FUT9: variants seen among roughly 807,000 people sequenced by gnomAD.
The protein encoded by FUT9 is 4-galactosyl-N-acetylglucosaminide 3-alpha-L-fucosyltransferase 9.
In FUT9, 15 loss-of-function variants were observed where a neutral mutation model predicts 29.7. The ratio of observed to expected loss-of-function variants is 0.51; its 90% CI spans 0.34 to 0.78. FUT9 has a LOEUF of 0.78. Ranked by LOEUF, FUT9 falls within the 30% of genes least tolerant of loss-of-function variation. The pLI, the probability that FUT9 is intolerant of heterozygous loss-of-function variation, is 0.01. For synonymous variants in FUT9, 169 were observed against 153.7 expected (o/e 1.10, Z -0.74); for missense variants, 319 against 425.4 (o/e 0.75, Z 2.20).
At position 96,138,129 on chromosome 6, in the gene FUT9, C is replaced by A. The variant is rs1034933496; in HGVS notation, c.-9+24002C>A. Among the ~76,000 whole-genome samples, 3 of 152,282 alleles carry A rather than the reference C, an allele frequency of 2.0e-5. No individual in the cohort carries two copies. In the East Asian group the frequency reaches 5.8e-4, roughly 29 times the overall value. On this transcript the variant is annotated intron_variant, in intron 2 of 2. Transcript: ENST00000302103. ...CTTTCAGTGACAAGCTACTAAAAGG[C>A]ATAAACCCTAGTTCTGAGTTACTCA...
At chr6:96,026,068 A>G (rs36077381) in intron 1 of FUT9, among the ~76,000 whole-genome samples, 35,536 of 151,508 alleles carry the variant, frequency 0.23, 6,433 homozygotes, top group African/African-American at 0.47. Context: ...TCCAGAAGAT[A>G]CTATTTCTAT....
intron 1 of FUT9, among the ~76,000 whole-genome samples, chr6:96,050,902 T>C (rs1309548241): frequency 6.6e-6 from 1 of 152,232 alleles, no homozygotes; most frequent in African/African-American, 2.4e-5. Flanking sequence ...CATTATATGG[T>C]AATAAAAACA....
At chr6:96,038,278 G>T (rs1005270429) in intron 1 of FUT9, among the ~76,000 whole-genome samples, 1 of 152,058 alleles carries the variant, frequency 6.6e-6, no homozygotes, top group Middle Eastern at 3.2e-3. Flanking sequence ...ATCTTCTGTC[G>T]TATCTGGGTC....
chr6:96,081,590 T>C (rs1562118900), intron 1 of FUT9, among the ~76,000 whole-genome samples: 2 of 151,886 alleles, frequency 1.3e-5, no homozygotes, highest in East Asian at 1.9e-4. Flanking sequence ...GGTTTTTTGA[T>C]GTTTCATTGT....
chr6:96,138,131 T>C (rs960273840), intron 2 of FUT9, among the ~76,000 whole-genome samples: 5 of 152,208 alleles, frequency 3.3e-5, no homozygotes, highest in Non-Finnish European at 7.4e-5. Context: ...CTAAAAGGCA[T>C]AAACCCTAGT....
chr6:96,141,023 A>G (rs762026525), intron 2 of FUT9, among the ~76,000 whole-genome samples: 8 of 152,218 alleles, frequency 5.3e-5, no homozygotes, highest in Non-Finnish European at 7.3e-5. Flanking sequence ...GAGTTTTGAT[A>G]GAATATTCAA....
At chr6:96,025,911 A>C (rs1018051112) in intron 1 of FUT9, among the ~76,000 whole-genome samples, 1 of 151,740 alleles carries the variant, frequency 6.6e-6, no homozygotes, top group Non-Finnish European at 1.5e-5. Context: ...CAGCAATAGC[A>C]GTAGCAAAAA....
chr6:96,168,427 G>C (rs1278554150), intron 2 of FUT9, among the ~76,000 whole-genome samples: 1 of 152,184 alleles, frequency 6.6e-6, no homozygotes, highest in Non-Finnish European at 1.5e-5. Context: ...AGAGTGATCA[G>C]AAAGGGAGAA....
At chr6:96,041,048 C>T (rs560223018) in intron 1 of FUT9, among the ~76,000 whole-genome samples, 2 of 152,060 alleles carry the variant, frequency 1.3e-5, no homozygotes, top group African/African-American at 4.8e-5. Flanking sequence ...ATTTGTTCTG[C>T]TTTTCTCTAG....
intron 2 of FUT9, among the ~76,000 whole-genome samples, chr6:96,158,916 A>G (rs1398959795): frequency 6.6e-6 from 1 of 152,056 alleles, no homozygotes. Flanking sequence ...GATGTTGATC[A>G]ATGTAAAGGT....
intron 1 of FUT9, among the ~76,000 whole-genome samples, chr6:96,107,647 C>G (rs776790074): frequency 6.6e-6 from 1 of 152,108 alleles, no homozygotes; most frequent in Non-Finnish European, 1.5e-5. Context: ...ATAACCATTA[C>G]TAATCTGTAT....
rs145580235 is a variant in FUT9, at chr6:96,029,287, C to T, written c.-98+13075C>T. Among the ~76,000 whole-genome samples the T allele has an allele frequency of 3.9e-3, 591 of 151,598 alleles. 4 individuals carry two copies. The highest frequency in any genetic ancestry group is 0.013 in the African/African-American group (540 of 41,444). On this transcript the variant is annotated intron_variant, in intron 1 of 2. Coordinates refer to ENST00000302103, the MANE Select transcript of FUT9 (RefSeq NM_006581.4). ...GTTTAGAAACTCTGGTAATCCCTGA[C>T]GCAAGGGTAGTTTGATGTCACCCAT... is the stretch of plus-strand genomic sequence containing the variant.
chr6:96,096,885 C>G (rs1771506152), intron 1 of FUT9, among the ~76,000 whole-genome samples: 1 of 152,004 alleles, frequency 6.6e-6, no homozygotes, highest in African/African-American at 2.4e-5. Flanking sequence ...ACTCTTCCTT[C>G]CAGAACATAA....
chr6:96,151,752 G>A (rs1338180362), intron 2 of FUT9, among the ~76,000 whole-genome samples: 2 of 152,090 alleles, frequency 1.3e-5, no homozygotes, highest in Non-Finnish European at 2.9e-5. Flanking sequence ...TGAACCTAAG[G>A]AATACTTTAC....
chr6:96,197,954 A>G (rs1251521168), intron 2 of FUT9, among the ~76,000 whole-genome samples: 1 of 152,164 alleles, frequency 6.6e-6, no homozygotes, highest in Non-Finnish European at 1.5e-5. Flanking sequence ...TTACAGTAGG[A>G]CTGCCTCTCC....
intron 1 of FUT9, among the ~76,000 whole-genome samples, chr6:96,032,026 G>C (rs1198468304): frequency 6.6e-6 from 1 of 151,492 alleles, no homozygotes; most frequent in Admixed American, 6.6e-5. Flanking sequence ...TACCAAGACT[G>C]CATTATTCTC....
intron 2 of FUT9, among the ~76,000 whole-genome samples, chr6:96,134,263 T>C: frequency 6.9e-6 from 1 of 145,118 alleles, no homozygotes; most frequent in Admixed American, 6.8e-5. Flanking sequence ...GCTAATAACA[T>C]TTTTTTCACA....
chr6:96,165,357 G>A (rs893932396), intron 2 of FUT9, among the ~76,000 whole-genome samples: 9 of 151,764 alleles, frequency 5.9e-5, no homozygotes, highest in Admixed American at 5.9e-4. Flanking sequence ...CTTGAACCAG[G>A]GAGGTGGAAG....
Position 96,202,854 on chromosome 6 carries a change from T to C in FUT9, c.-8-294T>C, listed in dbSNP as rs574129148. ...GACAGTCTAGGTTGTGCCACTTTTC[T>C]ACAAGCAAATAAAAGTAGAACAGTT... On this transcript the variant is annotated intron_variant, in intron 2 of 2. Transcript: ENST00000302103. Among the ~76,000 whole-genome samples, 3 of 152,268 alleles carry C rather than the reference T, an allele frequency of 2.0e-5. No individual in the cohort carries two copies. In the South Asian group the frequency reaches 6.2e-4, roughly 32 times the overall value.
Sources: gnomAD v4.1 joint callset for allele counts (sites outside exome capture counted in the v4.1 genomes callset) on GRCh38, gnomAD v4.1.1 for gene constraint, MANE v1.5 for transcripts, NCBI Gene and HGNC (gene_info 2026-07-23, HGNC 2026-07-21) for gene names.